The following ZNF804A variants were observed in gnomAD, a reference collection of about 807,000 sequenced individuals.
The protein encoded by ZNF804A is zinc finger protein 804A.
A neutral mutation model predicts 16.5 loss-of-function variants in ZNF804A; 2 were observed. That is an observed-to-expected ratio of 0.12 (90% CI 0.05 to 0.38). The LOEUF (loss-of-function observed/expected upper bound fraction) is 0.38. Among genes scored for constraint, ZNF804A ranks in the 10% least tolerant of loss-of-function variants. The pLI, the probability that ZNF804A is intolerant of heterozygous loss-of-function variation, is 0.99. For synonymous variants in ZNF804A, 534 were observed against 489.6 expected (o/e 1.09, Z -1.20); for missense variants, 1,473 against 1,390.7 (o/e 1.06, Z -0.94).
chr2:184,840,179 A>G (rs1695414564), intron 1 of ZNF804A, among the ~76,000 whole-genome samples: 1 of 152,192 alleles, frequency 6.6e-6, no homozygotes, highest in African/African-American at 2.4e-5. Context: ...ACCTGAGGTC[A>G]GGAGTTCGAG....
intron 1 of ZNF804A, among the ~76,000 whole-genome samples, chr2:184,826,128 C>T (rs1429544703): frequency 6.6e-6 from 1 of 152,076 alleles, no homozygotes; most frequent in Non-Finnish European, 1.5e-5. Context: ...TTGTGGTCCA[C>T]CCACCTCGGC....
intron 1 of ZNF804A, among the ~76,000 whole-genome samples, chr2:184,707,398 G>T (rs897902763): frequency 9.9e-5 from 15 of 152,138 alleles, no homozygotes; most frequent in Admixed American, 9.2e-4. Context: ...CTGTCACCCA[G>T]AGAGTGAGCA....
intron 1 of ZNF804A, among the ~76,000 whole-genome samples, chr2:184,761,640 G>A (rs1348436021): frequency 6.6e-6 from 1 of 152,018 alleles, no homozygotes; most frequent in African/African-American, 2.4e-5. Flanking sequence ...GGCCAAGTAG[G>A]AAATAAAAAA....
intron 1 of ZNF804A, among the ~76,000 whole-genome samples, chr2:184,772,143 A>G (rs1694225309): frequency 1.3e-5 from 2 of 151,976 alleles, no homozygotes; most frequent in African/African-American, 4.8e-5. Context: ...CAGTTATTCC[A>G]AAACAGATAA....
At chr2:184,898,565 T>C (rs1028363500) in intron 2 of ZNF804A, among the ~76,000 whole-genome samples, 1 of 152,114 alleles carries the variant, frequency 6.6e-6, no homozygotes, top group African/African-American at 2.4e-5. Context: ...GAAATTGTTA[T>C]AGATAGTAAG....
chr2:184,735,755 A>C (rs1402513290), intron 1 of ZNF804A, among the ~76,000 whole-genome samples: 1 of 152,204 alleles, frequency 6.6e-6, no homozygotes, highest in African/African-American at 2.4e-5. Flanking sequence ...AGCAGTGTTC[A>C]TATCAGTGCT....
At chr2:184,893,281 T>C (rs575691828) in intron 2 of ZNF804A, among the ~76,000 whole-genome samples, 1 of 152,218 alleles carries the variant, frequency 6.6e-6, no homozygotes, top group Non-Finnish European at 1.5e-5. Flanking sequence ...TGATTTAGTA[T>C]GAGTCCTAAC....
intron 1 of ZNF804A, among the ~76,000 whole-genome samples, chr2:184,713,767 A>G (rs1693171463): frequency 6.6e-6 from 1 of 152,026 alleles, no homozygotes. Context: ...CTAGCTAGGA[A>G]ACAACTATTA....
rs1685810539 is a variant in ZNF804A at position 184,937,446 on chromosome 2, TATG to T, written c.2053_2055del (p.Asp685del). On this transcript the variant is annotated inframe_deletion, in exon 4 of 4. Transcript: ENST00000302277. ...AACATGGAATACTGAATACAACACTTATGATACTATCAGTTCTAAAAACCACTG... is the reference window on the plus strand; with the variant it reads ...AACATGGAATACTGAATACAACACTTATACTATCAGTTCTAAAAACCACTG... The T allele has an allele frequency of 1.9e-6, 3 of 1,611,376 alleles. No homozygotes were observed. In the African/African-American group the frequency reaches 4.0e-5, roughly 21 times the overall value.
chr2:184,732,941 T>C (rs940803497), intron 1 of ZNF804A, among the ~76,000 whole-genome samples: 1 of 152,164 alleles, frequency 6.6e-6, no homozygotes, highest in Non-Finnish European at 1.5e-5. Context: ...TTGATTCTTT[T>C]GTATTTTCTA....
intron 1 of ZNF804A, among the ~76,000 whole-genome samples, chr2:184,715,919 T>C (rs59816135): frequency 0.069 from 10,490 of 152,186 alleles, 1,234 homozygotes; most frequent in African/African-American, 0.24. Context: ...ATTCAACTAA[T>C]ACATTTTTAA....
intron 1 of ZNF804A, among the ~76,000 whole-genome samples, chr2:184,820,245 A>T (rs1431868525): frequency 6.6e-6 from 1 of 152,150 alleles, no homozygotes; most frequent in Non-Finnish European, 1.5e-5. Context: ...CATCCCTGGG[A>T]TACAAGGTTG....
chr2:184,846,195 C>T (rs540974889), intron 1 of ZNF804A, among the ~76,000 whole-genome samples: 13 of 152,194 alleles, frequency 8.5e-5, no homozygotes, highest in Admixed American at 4.6e-4. Flanking sequence ...TCAAAGCACT[C>T]ATGTGTTTAA....
intron 1 of ZNF804A, among the ~76,000 whole-genome samples, chr2:184,815,497 A>C (rs1296110729): frequency 5.3e-5 from 8 of 151,826 alleles, no homozygotes; most frequent in African/African-American, 1.9e-4. Context: ...GTAGTAAAAT[A>C]ATATTATAAA....
At chr2:184,703,695 A>C (rs1692967727) in intron 1 of ZNF804A, among the ~76,000 whole-genome samples, 2 of 148,340 alleles carry the variant, frequency 1.3e-5, no homozygotes, top group Non-Finnish European at 1.5e-5. Context: ...GGTTCAAAAA[A>C]AAAAAAAAAA....
intron 2 of ZNF804A, among the ~76,000 whole-genome samples, chr2:184,869,080 A>AT (rs922514033): frequency 6.6e-6 from 1 of 152,004 alleles, no homozygotes; most frequent in Admixed American, 6.6e-5. Context: ...CGGATTTTGG[A>AT]TTTTCGGATG....
chr2:184,924,019 G>A (rs1021871596), intron 2 of ZNF804A, among the ~76,000 whole-genome samples: 1 of 151,616 alleles, frequency 6.6e-6, no homozygotes, highest in African/African-American at 2.4e-5. Flanking sequence ...TTGTGTGTGT[G>A]TGTGTGTGTG....
At chr2:184,857,254 T>C (rs1338447036) in intron 1 of ZNF804A, among the ~76,000 whole-genome samples, 1 of 152,156 alleles carries the variant, frequency 6.6e-6, no homozygotes, top group Non-Finnish European at 1.5e-5. Flanking sequence ...TTCAGAAGCA[T>C]GTTGTTTAAT....
At chr2:184,732,504 G>A (rs567138135) in intron 1 of ZNF804A, among the ~76,000 whole-genome samples, 9 of 151,936 alleles carry the variant, frequency 5.9e-5, no homozygotes, top group Non-Finnish European at 1.2e-4. Flanking sequence ...TTATTACTGT[G>A]TTGGCTATTC....
Sources: gnomAD v4.1 joint callset for allele counts (sites outside exome capture counted in the v4.1 genomes callset) on GRCh38, gnomAD v4.1.1 for gene constraint, MANE v1.5 for transcripts, NCBI Gene and HGNC (gene_info 2026-07-23, HGNC 2026-07-21) for gene names.